The following SLC26A7 variants were observed in gnomAD, a reference collection of about 807,000 sequenced individuals.
The protein encoded by SLC26A7 is anion exchange transporter.
A neutral mutation model predicts 82.5 loss-of-function variants in SLC26A7; 59 were observed. That is an observed-to-expected ratio of 0.72 (90% CI 0.58 to 0.89). The LOEUF (loss-of-function observed/expected upper bound fraction) is 0.89, where lower values mean the gene tolerates loss of function less well. Among genes scored for constraint, SLC26A7 ranks in the 40% least tolerant of loss-of-function variants. The pLI is 0.00. For missense variants in SLC26A7, 820 were observed against 793.0 expected, an observed-to-expected ratio of 1.03 and a Z score of -0.41; for synonymous variants, 271 against 274.3, an observed-to-expected ratio of 0.99 and a Z score of 0.12.
At chr8:91,361,406 T>G (rs960372502) in intron 11 of SLC26A7, among the ~76,000 whole-genome samples, 1 of 152,102 alleles carries the variant, frequency 6.6e-6, no homozygotes, top group African/African-American at 2.4e-5. Context: ...TTGAAATATG[T>G]TTTCAAAGAT....
At chr8:91,211,648 CTCTT>C (rs1251386364) in intron 1 of SLC26A7, among the ~76,000 whole-genome samples, 3 of 147,328 alleles carry the variant, frequency 2.0e-5, no homozygotes, top group African/African-American at 7.4e-5. Flanking sequence ...TTGGAAGCCT[CTCTT>C]TCTGTTAAAT....
At chr8:91,254,019 T>C (rs1433920286) in intron 2 of SLC26A7, among the ~76,000 whole-genome samples, 4 of 152,084 alleles carry the variant, frequency 2.6e-5, no homozygotes, top group Non-Finnish European at 5.9e-5. Context: ...AGTAAAAAAA[T>C]ACATTAAAAT....
intron 2 of SLC26A7, among the ~76,000 whole-genome samples, chr8:91,227,129 C>A (rs963274934): frequency 1.3e-5 from 2 of 152,230 alleles, no homozygotes; most frequent in African/African-American, 2.4e-5. Context: ...TCTTGTCAAT[C>A]TGTAATCCAT....
intron 5 of SLC26A7, among the ~76,000 whole-genome samples, chr8:91,332,144 C>CATATAT (rs58505719): frequency 3.5e-5 from 5 of 144,162 alleles, no homozygotes; most frequent in African/African-American, 1.3e-4. Context: ...TTAAATTTTT[C>CATATAT]ATATATATAT....
In SLC26A7 at chr8:91,249,573, T is replaced by A. The variant is rs974512426; in HGVS notation, c.-79T>A. On this transcript the variant is annotated 5_prime_UTR_variant, in exon 2 of 19. Coordinates refer to ENST00000276609, the MANE Select transcript of SLC26A7 (RefSeq NM_052832.4). ...TGTAAACCACAGACGAATTGGAGCT[T>A]GGCATTGAAAGGAGGTGTTCTGCAA... 1 of 1,161,814 alleles carries A rather than the reference T, an allele frequency of 8.6e-7. No individual in the cohort carries two copies. The highest frequency in any genetic ancestry group is 1.2e-6 in the Non-Finnish European group (1 of 865,040). 72.0% of individuals were successfully genotyped at this position (1,161,814 alleles called of 1,614,324 possible).
chr8:91,353,024 C>G, intron 11 of SLC26A7, 28 bp downstream of exon 11: 1 of 1,477,050 alleles, frequency 6.8e-7, no homozygotes, highest in Non-Finnish European at 9.3e-7. Flanking sequence ...CTAAAACAAT[C>G]CCTTTTTAGC....
At chr8:91,294,046 T>C (rs1051314435) in intron 3 of SLC26A7, among the ~76,000 whole-genome samples, 1 of 152,222 alleles carries the variant, frequency 6.6e-6, no homozygotes, top group Non-Finnish European at 1.5e-5. Context: ...GTGGTCATGA[T>C]TTATTGATGA....
intron 11 of SLC26A7, among the ~76,000 whole-genome samples, chr8:91,355,066 A>C (rs1302393870): frequency 6.6e-6 from 1 of 152,122 alleles, no homozygotes; most frequent in East Asian, 1.9e-4. Context: ...TTTTTGACTG[A>C]GTGTAAAATG....
At chr8:91,234,409 A>T (rs574223135) in intron 2 of SLC26A7, among the ~76,000 whole-genome samples, 1 of 152,090 alleles carries the variant, frequency 6.6e-6, no homozygotes, top group South Asian at 2.1e-4. Context: ...GTTGCCTACC[A>T]GTTAGCCATT....
chr8:91,317,838 GA>G (rs1812680828), intron 4 of SLC26A7, among the ~76,000 whole-genome samples: 1 of 151,144 alleles, frequency 6.6e-6, no homozygotes, highest in Non-Finnish European at 1.5e-5. Context: ...GTAGGATTAG[GA>G]AAAGAGAAAA....
intron 3 of SLC26A7, among the ~76,000 whole-genome samples, chr8:91,294,460 C>A (rs1049705779): frequency 1.3e-5 from 2 of 151,986 alleles, no homozygotes; most frequent in African/African-American, 4.8e-5. Flanking sequence ...TCCATTGAGA[C>A]CTGTTTCTGT....
chr8:91,267,681 T>C lies in SLC26A7; in HGVS notation c.193+17837T>C, dbSNP rs571417559. 7.6e-4 allele frequency among the ~76,000 whole-genome samples: 116 copies of C among 151,994 alleles called. 1 individual carries two copies. The highest frequency in any genetic ancestry group is 2.7e-3 in the African/African-American group (112 of 41,552). On this transcript the variant is annotated intron_variant, in intron 2 of 18. Coordinates refer to ENST00000276609, the MANE Select transcript of SLC26A7 (RefSeq NM_052832.4). ...GTTAATCTAGCTAAAGGTTTGTTAA[T>C]TTTGTCTATCTTTAAGAAATACCCA...
At chr8:91,292,034 G>A (rs570135761) in intron 3 of SLC26A7, among the ~76,000 whole-genome samples, 3 of 152,186 alleles carry the variant, frequency 2.0e-5, no homozygotes, top group South Asian at 2.1e-4. Context: ...GGCTGGGTGC[G>A]GTGGCTCACA....
intron 5 of SLC26A7, among the ~76,000 whole-genome samples, chr8:91,320,810 T>G (rs898041510): frequency 1.3e-5 from 2 of 152,250 alleles, no homozygotes; most frequent in East Asian, 3.8e-4. Flanking sequence ...GTATCCTGCC[T>G]CTGAGTTTTC....
chr8:91,269,135 A>G (rs1811197623), intron 2 of SLC26A7, among the ~76,000 whole-genome samples: 1 of 152,092 alleles, frequency 6.6e-6, no homozygotes, highest in African/African-American at 2.4e-5. Flanking sequence ...CCACAATTAC[A>G]GTATTAGAGT....
rs749263250 is a variant in SLC26A7, at chr8:91,398,129, C to T, written c.*3032C>T. 14 of 152,476 alleles carry T rather than the reference C, an allele frequency of 9.2e-5. No individual in the cohort carries two copies. The highest frequency in any genetic ancestry group is 2.1e-4 in the South Asian group (1 of 4,814). The allele number at this position is 152,476 out of a possible 1,614,324, so 9.4% of individuals were successfully genotyped here. A position where few individuals can be genotyped will look rare whatever the true frequency, so the allele number is the denominator to read the frequency against. On this transcript the variant is annotated 3_prime_UTR_variant, in exon 19 of 19. Transcript: ENST00000276609. Reference sequence around the variant, plus strand: ...ACAACCAATTTACATGGAAATAAATCGAAATATGATAACTATTATGCTTAA... The same window carrying T: ...ACAACCAATTTACATGGAAATAAATTGAAATATGATAACTATTATGCTTAA...
At chr8:91,344,304 G>C (rs995946870) in intron 9 of SLC26A7, 92 of 613,814 alleles carry the variant, frequency 1.5e-4, no homozygotes, top group Middle Eastern at 8.1e-4. Context: ...GCAGAGCCGG[G>C]ATTGGAACCC....
At chr8:91,372,446 A>G (rs1250774498) in intron 15 of SLC26A7, among the ~76,000 whole-genome samples, 1 of 151,990 alleles carries the variant, frequency 6.6e-6, no homozygotes, top group African/African-American at 2.4e-5. Flanking sequence ...ATTTGCCTGC[A>G]TGTGGCTAGC....
At chr8:91,336,275 C>T (rs1813238624) in intron 6 of SLC26A7, among the ~76,000 whole-genome samples, 1 of 152,092 alleles carries the variant, frequency 6.6e-6, no homozygotes, top group African/African-American at 2.4e-5. Context: ...TCCTCAATCT[C>T]TGGGCCATGG....
Sources: allele counts gnomAD v4.1 joint callset (sites outside exome capture counted in the v4.1 genomes callset), GRCh38; gene constraint gnomAD v4.1.1; transcripts MANE v1.5; gene names NCBI Gene and HGNC (gene_info 2026-07-23, HGNC 2026-07-21).